LZTFL1: variants seen among roughly 807,000 people sequenced by gnomAD.
LZTFL1 encodes the protein leucine zipper transcription factor-like protein 1.
LZTFL1 carries 25 observed loss-of-function variants against 45.9 expected under a neutral mutation model. That is an observed-to-expected ratio of 0.54 (90% CI 0.40 to 0.76). LZTFL1 has a LOEUF of 0.76. Among genes scored for constraint, LZTFL1 ranks in the 30% least tolerant of loss-of-function variants. The probability of loss-of-function intolerance (pLI) is 0.00; values close to 1 mark genes in which losing one functional copy is unlikely to be tolerated. For missense variants in LZTFL1, 277 were observed against 331.1 expected (o/e 0.84, Z 1.27); for synonymous variants, 93 against 117.4 (o/e 0.79, Z 1.35).
chr3:45,867,283 G>A (rs1701593924), intron 2 of LZTFL1, among the ~76,000 whole-genome samples: 1 of 151,818 alleles, frequency 6.6e-6, no homozygotes, highest in South Asian at 2.1e-4. Flanking sequence ...TCCTCTCAAG[G>A]TGTTGTTAAA....
intron 2 of LZTFL1, among the ~76,000 whole-genome samples, chr3:45,890,742 T>G (rs555486550): frequency 6.6e-6 from 1 of 152,274 alleles, no homozygotes; most frequent in South Asian, 2.1e-4. Context: ...GCATCTTTCA[T>G]TCACCTGAGA....
chr3:45,855,074 C>T (rs1373392469), exon 4 of LZTFL1: 1 of 1,519,084 alleles, frequency 6.6e-7, no homozygotes, highest in East Asian at 2.5e-5. Flanking sequence ...CTCTGCCTTC[C>T]CTAGAAAATG....
chr3:45,909,728 C>T (rs1314910203), intron 2 of LZTFL1, among the ~76,000 whole-genome samples: 1 of 152,230 alleles, frequency 6.6e-6, no homozygotes, highest in Non-Finnish European at 1.5e-5. Flanking sequence ...GAGCAGCAAG[C>T]TCGGAAAGGC....
At position 45,827,388 on chromosome 3, in the gene LZTFL1, G is replaced by A. The variant is rs1700695555; in HGVS notation, c.849C>T (p.Asp283=). ...GTCTTTTCCTCAGATCTTTGATTTG[G>A]TCATTCTTCTTGGTAAGAATCTCTT... ...NMKEILTKKN[D]QIKDLRKRLA... is the part of the protein sequence containing the mutation. The change falls in exon 9 of 10, where the codon GAC becomes GAT. Residue 283 remains aspartate, a synonymous_variant. Transcript: ENST00000296135. The A allele has an allele frequency of 6.2e-7, 1 of 1,613,570 alleles. No homozygotes were observed. Among genetic ancestry groups the A allele is most frequent in the Non-Finnish European group, 8.5e-7 (1 of 1,179,710 alleles).
At position 45,901,466 on chromosome 3, in the gene LZTFL1, C is replaced by T. The variant is rs1559427288; in HGVS notation, c.-215+11654G>A. 2.5e-6 allele frequency: 4 copies of T among 1,614,164 alleles called. No individual in the cohort carries two copies. Among genetic ancestry groups the T allele is most frequent in the African/African-American group, 1.3e-5 (1 of 75,028 alleles). On this transcript the variant is annotated intron_variant, in intron 2 of 4. Transcript: ENST00000472635. The surrounding 1 kb of genome is among the most constrained non-coding windows in gnomAD (Gnocchi z 4.3). ...AGGTCATTCTGGGGTTCTTCCTTCC[C>T]TTCGTGGTCATGGCTTGCTGCTATA...
At chr3:45,856,134 T>G (rs1701389768) in intron 3 of LZTFL1, among the ~76,000 whole-genome samples, 1 of 151,884 alleles carries the variant, frequency 6.6e-6, no homozygotes, top group East Asian at 1.9e-4. Context: ...GCTTTCAAAC[T>G]ATACTACAAG....
chr3:45,837,236 T>C (rs1281038803), intron 2 of LZTFL1, among the ~76,000 whole-genome samples: 1 of 152,226 alleles, frequency 6.6e-6, no homozygotes, highest in Non-Finnish European at 1.5e-5. Context: ...ATAGAACATA[T>C]GTTCTCGCCA....
At chr3:45,890,993 G>T (rs1702162692) in intron 2 of LZTFL1, among the ~76,000 whole-genome samples, 2 of 152,216 alleles carry the variant, frequency 1.3e-5, no homozygotes, top group African/African-American at 2.4e-5. Context: ...ACAACAGAAA[G>T]TTAAAAGTGG....
chr3:45,879,641 A>G (rs1701816482), intron 2 of LZTFL1, among the ~76,000 whole-genome samples: 1 of 152,184 alleles, frequency 6.6e-6, no homozygotes, highest in South Asian at 2.1e-4. Context: ...GTGAAACCTA[A>G]AGTAAACTAC....
At chr3:45,853,397 G>A (rs1050218402) in intron 4 of LZTFL1, among the ~76,000 whole-genome samples, 2 of 152,216 alleles carry the variant, frequency 1.3e-5, no homozygotes, top group Non-Finnish European at 2.9e-5. Flanking sequence ...AAATTTTGGT[G>A]TGACTTACTT....
At chr3:45,845,270 T>C (rs530428846), upstream of LZTFL1, among the ~76,000 whole-genome samples, 2 of 152,278 alleles carry the variant, frequency 1.3e-5, no homozygotes, top group East Asian at 1.9e-4. Flanking sequence ...TTGGTCTCTT[T>C]CAAAAATGGC....
At chr3:45,845,975 G>A (rs865928436), upstream of LZTFL1, among the ~76,000 whole-genome samples, 1 of 152,226 alleles carries the variant, frequency 6.6e-6, no homozygotes, top group Non-Finnish European at 1.5e-5. Context: ...TATGTTGCAA[G>A]CTCCTTGAAG....
intron 5 of LZTFL1, 121 bp from the exon 6 acceptor site, chr3:45,831,259 A>T: frequency 1.7e-6 from 1 of 595,788 alleles, no homozygotes; most frequent in Non-Finnish European, 2.8e-6. Flanking sequence ...TCAAAAATGT[A>T]CTACTGATAT....
At chr3:45,910,494 G>A (rs1575313600) in intron 2 of LZTFL1, among the ~76,000 whole-genome samples, 1 of 152,168 alleles carries the variant, frequency 6.6e-6, no homozygotes, top group African/African-American at 2.4e-5. Context: ...GAAGAGCTGA[G>A]GTCAAGAGAG....
At chr3:45,837,438 G>A (rs773682895) in intron 2 of LZTFL1, among the ~76,000 whole-genome samples, 2 of 152,042 alleles carry the variant, frequency 1.3e-5, no homozygotes, top group Non-Finnish European at 2.9e-5. Flanking sequence ...AATCAGCTAC[G>A]GTCCAACCAT....
At chr3:45,912,408 T>C (rs995827057) in intron 2 of LZTFL1, among the ~76,000 whole-genome samples, 1 of 152,220 alleles carries the variant, frequency 6.6e-6, no homozygotes, top group Non-Finnish European at 1.5e-5. Context: ...GAGGAGTCCC[T>C]TTTCCCACAC....
intron 2 of LZTFL1, among the ~76,000 whole-genome samples, chr3:45,881,138 A>T: frequency 6.6e-6 from 1 of 152,234 alleles, no homozygotes; most frequent in African/African-American, 2.4e-5. Context: ...GGAGTTGAGG[A>T]TGACACATAT....
intron 2 of LZTFL1, among the ~76,000 whole-genome samples, chr3:45,873,843 G>A (rs778083892): frequency 6.6e-6 from 1 of 152,054 alleles, no homozygotes; most frequent in Non-Finnish European, 1.5e-5. Flanking sequence ...TCCCCAACAG[G>A]CTTACGTGCC....
intron 2 of LZTFL1, among the ~76,000 whole-genome samples, chr3:45,871,909 T>C (rs1220247201): frequency 6.6e-6 from 1 of 152,214 alleles, no homozygotes; most frequent in Non-Finnish European, 1.5e-5. Context: ...ATCCTTTCTA[T>C]AGTGGGAGCT....
Sources: allele counts gnomAD v4.1 joint callset (sites outside exome capture counted in the v4.1 genomes callset), GRCh38; gene constraint gnomAD v4.1.1; non-coding constraint Gnocchi (gnomAD v3.1); transcripts MANE v1.5; gene names NCBI Gene and HGNC (gene_info 2026-07-23, HGNC 2026-07-21).